The following C2CD3 variants were observed in gnomAD, a reference collection of about 807,000 sequenced individuals.
C2CD3 encodes the protein C2 domain-containing protein 3.
A neutral mutation model predicts 234.0 loss-of-function variants in C2CD3; 148 were observed. The observed-to-expected ratio is 0.63, with a 90% CI of 0.55 to 0.72. The LOEUF (loss-of-function observed/expected upper bound fraction) is 0.72. C2CD3 is among the 30% of genes least tolerant of loss of function. The pLI, the probability that C2CD3 is intolerant of heterozygous loss-of-function variation, is 0.00. For missense variants in C2CD3, 2,577 were observed against 2,811.5 expected (o/e 0.92, Z 1.89); for synonymous variants, 1,000 against 1,035.4 (o/e 0.97, Z 0.66).
chr11:74,158,422 A>T (rs1856181634), intron 3 of C2CD3, among the ~76,000 whole-genome samples: 2 of 152,230 alleles, frequency 1.3e-5, no homozygotes, highest in African/African-American at 4.8e-5. Context: ...TAATAGGCAT[A>T]TGAAAAAATG....
intron 26 of C2CD3, 82 bp downstream of exon 26, chr11:74,054,525 A>G: frequency 1.4e-6 from 1 of 693,946 alleles, no homozygotes; most frequent in Non-Finnish European, 2.3e-6. Flanking sequence ...AAAAAAAAAA[A>G]AAAAAAAGGA....
At chr11:74,102,556 A>AAGAG (rs572670230) in intron 14 of C2CD3, among the ~76,000 whole-genome samples, 146 of 152,342 alleles carry the variant, frequency 9.6e-4, no homozygotes, top group Admixed American at 2.5e-3. Context: ...GCAATAGAGT[A>AAGAG]AGAGTGGAAG....
At chr11:74,030,488 G>A (rs1301602724) in intron 31 of C2CD3, among the ~76,000 whole-genome samples, 8 of 152,168 alleles carry the variant, frequency 5.3e-5, no homozygotes, top group African/African-American at 1.2e-4. Flanking sequence ...TGTGTGCAGC[G>A]TCAGTGCTGA....
chr11:74,135,044 T>A (rs999077375), intron 5 of C2CD3, among the ~76,000 whole-genome samples: 2 of 152,070 alleles, frequency 1.3e-5, no homozygotes, highest in African/African-American at 4.8e-5. Flanking sequence ...AAAATATAGC[T>A]TAAAAACTTA....
At chr11:74,134,183 G>A (rs910416815) in intron 5 of C2CD3, among the ~76,000 whole-genome samples, 7 of 152,172 alleles carry the variant, frequency 4.6e-5, no homozygotes, top group African/African-American at 1.4e-4. Context: ...TATGTACTAT[G>A]ACTACTTTTG....
chr11:74,167,620 C>T (rs547802342), intron 2 of C2CD3, among the ~76,000 whole-genome samples: 1 of 152,308 alleles, frequency 6.6e-6, no homozygotes, highest in East Asian at 1.9e-4. Flanking sequence ...CTGAGCCCAA[C>T]CATGTTTACA....
chr11:74,119,924 C>G (rs1418069921), intron 8 of C2CD3, among the ~76,000 whole-genome samples: 1 of 152,034 alleles, frequency 6.6e-6, no homozygotes, highest in African/African-American at 2.4e-5. Context: ...GCATGAGCCA[C>G]CACACCACCA....
intron 26 of C2CD3, among the ~76,000 whole-genome samples, chr11:74,050,793 A>G (rs1349064354): frequency 1.3e-5 from 2 of 151,746 alleles, no homozygotes; most frequent in African/African-American, 4.9e-5. Flanking sequence ...TACACTCTCC[A>G]TACCTGGCAT....
In C2CD3 at chr11:74,028,310, G is replaced by A. The variant is rs1003499385; in HGVS notation, c.6898C>T (p.Pro2300Ser). ...LRMLSLSATL[P>S]PAATTDQDKS... is the part of the protein sequence containing the mutation. ...ACCTGATCTGTTGTGGCTGCTGGTG[G>A]CAAAGTTGCTGAGAGTGAAAGCATC... The change falls in exon 32 of 33, where the codon CCA becomes TCA. Residue 2300 changes from proline (P) to serine (S), a missense_variant. By Grantham distance (74) the Pro-to-Ser change is moderately conservative (BLOSUM62 -1). Coordinates refer to ENST00000334126, the MANE Select transcript of C2CD3 (RefSeq NM_001286577.2). 2 of 1,535,816 alleles carry A rather than the reference G, an allele frequency of 1.3e-6. No individual in the cohort carries two copies. The highest frequency in any genetic ancestry group is 2.7e-5 in the African/African-American group (2 of 73,030).
chr11:74,017,114 A>G (rs1685333), intron 32 of C2CD3, among the ~76,000 whole-genome samples: 53,467 of 152,076 alleles, frequency 0.35, 11,324 homozygotes, highest in African/African-American at 0.6. Context: ...GGTATGGAGA[A>G]CAGCCAAGAC....
Position 74,168,527 on chromosome 11 carries a change from C to T in C2CD3, c.142G>A (p.Val48Ile), listed in dbSNP as rs769924958. 1 of 1,614,048 alleles carries T rather than the reference C, an allele frequency of 6.2e-7. No homozygotes were observed. The highest frequency in any genetic ancestry group is 8.5e-7 in the Non-Finnish European group (1 of 1,179,986). The part of the protein sequence containing the change: ...RCFLKLTVNR[V>I]IWKIAKPPTC... ...GGAGGCTTTGCAATCTTCCATATGA[C>T]TCTATTAACAGTAAGTTTTAGAAAA... Residue 48 changes from valine to isoleucine, a missense_variant, in exon 2 of 33, where the codon GTC becomes ATC. Coordinates refer to ENST00000334126, the MANE Select transcript of C2CD3 (RefSeq NM_001286577.2).
At chr11:74,094,137 G>T in intron 17 of C2CD3, 138 bp from the exon 18 acceptor site, 1 of 522,424 alleles carries the variant, frequency 1.9e-6, no homozygotes, top group East Asian at 3.5e-5. Context: ...TAATACAGAA[G>T]AAAAAGATAC....
chr11:74,146,612 T>G (rs1855203590), intron 3 of C2CD3, among the ~76,000 whole-genome samples: 1 of 152,038 alleles, frequency 6.6e-6, no homozygotes, highest in Admixed American at 6.6e-5. Context: ...TAAACTTGTT[T>G]CAAGATCTAA....
At chr11:74,107,252 G>A (rs1030348571) in intron 12 of C2CD3, among the ~76,000 whole-genome samples, 10 of 151,992 alleles carry the variant, frequency 6.6e-5, no homozygotes, top group African/African-American at 2.2e-4. Context: ...TCGAACCCAG[G>A]AGGCTGAGGT....
At chr11:74,035,659 G>T (rs1952704915) in intron 30 of C2CD3, among the ~76,000 whole-genome samples, 1 of 151,444 alleles carries the variant, frequency 6.6e-6, no homozygotes, top group African/African-American at 2.4e-5. Flanking sequence ...TGTAAAAACA[G>T]CATACTGAGG....
intron 14 of C2CD3, among the ~76,000 whole-genome samples, chr11:74,101,719 A>C (rs1565295193): frequency 6.6e-6 from 1 of 152,152 alleles, no homozygotes; most frequent in African/African-American, 2.4e-5. Context: ...GGCAGAAGAA[A>C]GAGCACATAT....
intron 3 of C2CD3, chr11:74,142,083 A>G: frequency 6.6e-6 from 1 of 152,232 alleles, no homozygotes; most frequent in East Asian, 1.9e-4. Flanking sequence ...AGTTAGAAAA[A>G]AAAGTAATTT....
chr11:74,018,562 G>A (rs971608349), intron 32 of C2CD3, among the ~76,000 whole-genome samples: 1 of 152,200 alleles, frequency 6.6e-6, no homozygotes, highest in African/African-American at 2.4e-5. Flanking sequence ...CCTGCCAATG[G>A]ATTGCTGCAT....
chr11:74,106,492 G>A lies in C2CD3; in HGVS notation c.1964C>T (p.Pro655Leu). The part of the protein sequence containing the change: ...IYVKKTPQKK[P>L]EVIGSVSLSL... ...AAGTGACACAGATCCAATGACTTCT[G>A]GCTGAGAAAGAAGGAAAGAGAACAT... The change falls in exon 13 of 33, where the codon CCA becomes CTA. Residue 655 changes from proline to leucine, a missense_variant and splice_region_variant. Pro to Leu is a moderately conservative substitution (Grantham distance 98). Coordinates refer to ENST00000334126, the MANE Select transcript of C2CD3 (RefSeq NM_001286577.2). The A allele has an allele frequency of 1.2e-6, 2 of 1,613,058 alleles. No homozygotes were observed. The highest frequency in any genetic ancestry group is 1.7e-6 in the Non-Finnish European group (2 of 1,179,552).
Sources: gnomAD v4.1 joint callset for allele counts (sites outside exome capture counted in the v4.1 genomes callset) on GRCh38, gnomAD v4.1.1 for gene constraint, MANE v1.5 for transcripts, NCBI Gene and HGNC (gene_info 2026-07-23, HGNC 2026-07-21) for gene names.